The following KCND3 variants were observed in gnomAD, a reference collection of about 807,000 sequenced individuals.
The protein encoded by KCND3 is potassium voltage-gated channel subfamily D member 3, also known as A-type voltage-gated potassium channel KCND3.
In KCND3, 9 loss-of-function variants were observed where a neutral mutation model predicts 51.1. That is an observed-to-expected ratio of 0.18 (90% CI 0.11 to 0.31). The LOEUF is 0.31. KCND3 is among the 10% of genes least tolerant of loss of function. The pLI is 1.00. For synonymous variants in KCND3, 349 were observed against 368.0 expected (o/e 0.95, Z 0.59); for missense variants, 526 against 903.8 (o/e 0.58, Z 5.36).
At chr1:111,951,078 G>A (rs1341289218) in intron 2 of KCND3, among the ~76,000 whole-genome samples, 1 of 146,098 alleles carries the variant, frequency 6.8e-6, no homozygotes, top group African/African-American at 2.5e-5. Flanking sequence ...GCCGAGGCAG[G>A]AGAACCGCTT....
chr1:111,835,411 C>T (rs1416034434), intron 2 of KCND3, among the ~76,000 whole-genome samples: 1 of 152,184 alleles, frequency 6.6e-6, no homozygotes, highest in Non-Finnish European at 1.5e-5. Flanking sequence ...TAAAATAAGG[C>T]TGAGACCTAC....
intron 2 of KCND3, among the ~76,000 whole-genome samples, chr1:111,900,008 G>A (rs192611265): frequency 6.6e-6 from 1 of 152,314 alleles, no homozygotes; most frequent in Admixed American, 6.5e-5. Context: ...AGGAGGCAGG[G>A]GTAGTAGAAT....
intron 1 of KCND3, chr1:111,988,810 G>T (rs1675454800): frequency 6.6e-6 from 1 of 152,198 alleles, no homozygotes; most frequent in Non-Finnish European, 1.5e-5. Flanking sequence ...TATCAGGGCT[G>T]CCCGGGATAA....
At chr1:111,786,740 T>A (rs557136697) in intron 3 of KCND3, among the ~76,000 whole-genome samples, 1 of 151,876 alleles carries the variant, frequency 6.6e-6, no homozygotes, top group Non-Finnish European at 1.5e-5. Flanking sequence ...AGCTTACAGA[T>A]AATTGAGGGT....
chr1:111,873,901 C>T (rs1454921149), intron 2 of KCND3, among the ~76,000 whole-genome samples: 7 of 150,976 alleles, frequency 4.6e-5, no homozygotes, highest in African/African-American at 1.2e-4. Context: ...AATGATTGGA[C>T]GGGGTTGGGG....
intron 2 of KCND3, among the ~76,000 whole-genome samples, chr1:111,838,634 G>T (rs190144447): frequency 4.6e-5 from 7 of 152,224 alleles, no homozygotes; most frequent in Admixed American, 4.6e-4. Context: ...TCCAGCCTGG[G>T]CGACAGAGCG....
intron 2 of KCND3, among the ~76,000 whole-genome samples, chr1:111,824,651 A>G (rs1469187984): frequency 6.6e-6 from 1 of 152,080 alleles, no homozygotes; most frequent in Non-Finnish European, 1.5e-5. Context: ...CATTTATCTT[A>G]TTTGAGTCCC....
chr1:111,802,587 C>T (rs1261913102), intron 2 of KCND3, among the ~76,000 whole-genome samples: 1 of 152,182 alleles, frequency 6.6e-6, no homozygotes, highest in Non-Finnish European at 1.5e-5. Flanking sequence ...CTCACAGACC[C>T]CACAGTGCAG....
chr1:111,820,223 T>C (rs964957262), intron 2 of KCND3, among the ~76,000 whole-genome samples: 1 of 152,238 alleles, frequency 6.6e-6, no homozygotes, highest in South Asian at 2.1e-4. Flanking sequence ...GGCTTGTTTA[T>C]GTAGCCCTCA....
intron 2 of KCND3, among the ~76,000 whole-genome samples, chr1:111,951,158 A>G (rs1673042625): frequency 1.2e-5 from 1 of 84,614 alleles, no homozygotes; most frequent in Admixed American, 1.3e-4. Flanking sequence ...AAACAAGAGC[A>G]AAAAAAAAAA....
At position 111,776,029 on chromosome 1, in the gene KCND3, A is replaced by C. The variant is rs778787400; in HGVS notation, c.*48T>G. On this transcript the variant is annotated 3_prime_UTR_variant, in exon 8 of 8. Coordinates refer to ENST00000302127, the MANE Select transcript of KCND3 (RefSeq NM_001378969.1). ...CTCAGTGACCACCCACCAACATGCC[A>C]GTCCCCTTCATTCCCCACTACCCAC... 5.6e-6 allele frequency: 9 copies of C among 1,598,990 alleles called. No individual in the cohort carries two copies. Among genetic ancestry groups the C allele is most frequent in the South Asian group, 2.2e-5 (2 of 90,760 alleles).
At chr1:111,777,436 G>C (rs954948322) in intron 6 of KCND3, among the ~76,000 whole-genome samples, 163 bp from the exon 7 acceptor site, 1 of 152,190 alleles carries the variant, frequency 6.6e-6, no homozygotes, top group Non-Finnish European at 1.5e-5. Flanking sequence ...TGTCCCATGG[G>C]CATCCAATGA....
chr1:111,853,500 T>C (rs1667915981), intron 2 of KCND3, among the ~76,000 whole-genome samples: 1 of 152,172 alleles, frequency 6.6e-6, no homozygotes, highest in African/African-American at 2.4e-5. Flanking sequence ...TTTGCTCAAA[T>C]GTCACCTTGT....
At chr1:111,799,025 A>G (rs1665177153) in intron 2 of KCND3, among the ~76,000 whole-genome samples, 1 of 152,068 alleles carries the variant, frequency 6.6e-6, no homozygotes, top group African/African-American at 2.4e-5. Context: ...TCACTGGGAG[A>G]TGGAACCTTG....
chr1:111,884,807 TC>T (rs1669494747), intron 2 of KCND3, among the ~76,000 whole-genome samples: 1 of 152,258 alleles, frequency 6.6e-6, no homozygotes, highest in Admixed American at 6.5e-5. Context: ...ACCAAATTCA[TC>T]TTTTAACTTA....
intron 2 of KCND3, among the ~76,000 whole-genome samples, chr1:111,881,322 C>A (rs1181768895): frequency 6.6e-6 from 1 of 152,232 alleles, no homozygotes; most frequent in African/African-American, 2.4e-5. Flanking sequence ...TCCCACCAGA[C>A]AGAGCAAAGA....
intron 1 of KCND3, among the ~76,000 whole-genome samples, chr1:111,986,435 C>T (rs1175555060): frequency 6.6e-6 from 1 of 152,174 alleles, no homozygotes; most frequent in Non-Finnish European, 1.5e-5. Flanking sequence ...TTGCCCAATA[C>T]TGATGTTCCC....
In KCND3 at chr1:111,837,410, A is replaced by G. The variant is rs145864993; in HGVS notation, c.1107-50304T>C. Among the ~76,000 whole-genome samples, 40 of 152,332 alleles carry G rather than the reference A, an allele frequency of 2.6e-4. 1 individual carries two copies. In the East Asian group the frequency reaches 7.3e-3, roughly 28 times the overall value. ...GAGATCCAATTTTTGAGTAGTTATT[A>G]TGTGCCAGGGGCCCTGCTCTGTCCC... is the stretch of plus-strand genomic sequence containing the variant. On this transcript the variant is annotated intron_variant, in intron 2 of 7. Coordinates refer to ENST00000302127, the MANE Select transcript of KCND3 (RefSeq NM_001378969.1).
intron 2 of KCND3, among the ~76,000 whole-genome samples, chr1:111,793,538 T>C (rs1664931864): frequency 6.6e-6 from 1 of 152,210 alleles, no homozygotes; most frequent in South Asian, 2.1e-4. Flanking sequence ...AGCACTTCAA[T>C]AAATGTTTGT....
Sources: allele counts gnomAD v4.1 joint callset (sites outside exome capture counted in the v4.1 genomes callset), GRCh38; gene constraint gnomAD v4.1.1; transcripts MANE v1.5; gene names NCBI Gene and HGNC (gene_info 2026-07-23, HGNC 2026-07-21).